SPPL2A: variants seen among roughly 807,000 people sequenced by gnomAD.
SPPL2A encodes signal peptide peptidase-like 2A.
In SPPL2A, 51 loss-of-function variants were observed where a neutral mutation model predicts 63.8. That is an observed-to-expected ratio of 0.80 (90% CI 0.64 to 1.01). The LOEUF (loss-of-function observed/expected upper bound fraction) is 1.01. Among genes scored for constraint, SPPL2A ranks in the 50% least tolerant of loss-of-function variants. The pLI is 0.00. For missense variants in SPPL2A, 553 were observed against 622.7 expected, an observed-to-expected ratio of 0.89 and a Z score of 1.19; for synonymous variants, 188 against 205.8, an observed-to-expected ratio of 0.91 and a Z score of 0.74.
At chr15:50,708,195 TTATTCCAGGACAC>T (rs2062527066) in intron 14 of SPPL2A, among the ~76,000 whole-genome samples, 1 of 152,210 alleles carries the variant, frequency 6.6e-6, no homozygotes, top group Non-Finnish European at 1.5e-5. Flanking sequence ...TTCCTGACAC[TTATTCCAGGACAC>T]TATTCCAGGC....
At chr15:50,715,720 G>A (rs904685512) in intron 14 of SPPL2A, among the ~76,000 whole-genome samples, 3 of 151,986 alleles carry the variant, frequency 2.0e-5, no homozygotes, top group African/African-American at 7.2e-5. Context: ...ATACAAAAAA[G>A]AAAAATTACT....
intron 11 of SPPL2A, 74 bp from the exon 12 acceptor site, chr15:50,725,397 C>A: frequency 1.3e-6 from 1 of 789,520 alleles, no homozygotes; most frequent in Non-Finnish European, 2.2e-6. Context: ...AACTTCTTGG[C>A]AATCTTTACT....
chr15:50,740,537 A>C (rs1257230609), intron 5 of SPPL2A, among the ~76,000 whole-genome samples: 2 of 152,196 alleles, frequency 1.3e-5, no homozygotes, highest in Admixed American at 1.3e-4. Context: ...TGACATAATA[A>C]ATTTCAAACT....
intron 13 of SPPL2A, among the ~76,000 whole-genome samples, chr15:50,721,371 T>G (rs1018305503): frequency 1.3e-5 from 2 of 152,038 alleles, no homozygotes; most frequent in Non-Finnish European, 2.9e-5. Flanking sequence ...TTTGAATTTC[T>G]TTATACTTTT....
At chr15:50,745,915 G>T (rs2141049293) in intron 5 of SPPL2A, among the ~76,000 whole-genome samples, 1 of 151,976 alleles carries the variant, frequency 6.6e-6, no homozygotes, top group African/African-American at 2.4e-5. Flanking sequence ...GCCAGGCATG[G>T]TGGCAGGCAC....
At chr15:50,714,269 C>G (rs1473141588) in intron 14 of SPPL2A, among the ~76,000 whole-genome samples, 1 of 152,194 alleles carries the variant, frequency 6.6e-6, no homozygotes, top group Non-Finnish European at 1.5e-5. Context: ...CCTCCTGGGG[C>G]TATTATTACT....
intron 12 of SPPL2A, among the ~76,000 whole-genome samples, chr15:50,724,856 C>G (rs909227894): frequency 6.6e-6 from 1 of 152,122 alleles, no homozygotes; most frequent in African/African-American, 2.4e-5. Context: ...TTCTTAAACC[C>G]CTTTTTCTAA....
At chr15:50,749,615 T>C in intron 2 of SPPL2A, 21 bp downstream of exon 2, 1 of 1,386,696 alleles carries the variant, frequency 7.2e-7, no homozygotes, top group Non-Finnish European at 1.0e-6. Flanking sequence ...TGTTTATGAA[T>C]AGTAACTGTG....
At chr15:50,723,487 T>G (rs774630404) in intron 12 of SPPL2A, among the ~76,000 whole-genome samples, 1 of 128,938 alleles carries the variant, frequency 7.8e-6, no homozygotes, top group African/African-American at 3.2e-5. Flanking sequence ...GTTTTTTTTG[T>G]TTTTTTTTGA....
intron 13 of SPPL2A, 79 bp downstream of exon 13, chr15:50,722,045 C>T (rs1423866499): frequency 2.5e-6 from 2 of 816,062 alleles, no homozygotes; most frequent in Non-Finnish European, 4.1e-6. Flanking sequence ...AACTGTACTC[C>T]TTCTTTATTT....
chr15:50,723,107 T>C (rs1414706405), intron 12 of SPPL2A, among the ~76,000 whole-genome samples: 2 of 152,060 alleles, frequency 1.3e-5, no homozygotes, highest in African/African-American at 4.8e-5. Flanking sequence ...AAAACCACAA[T>C]GAGATATCGC....
At chr15:50,754,547 T>C (rs574464375) in intron 1 of SPPL2A, among the ~76,000 whole-genome samples, 2 of 152,306 alleles carry the variant, frequency 1.3e-5, no homozygotes, top group South Asian at 2.1e-4. Context: ...GGTATGCAAA[T>C]TATACGTCAA....
chr15:50,736,019 C>T (rs1398251141), intron 8 of SPPL2A, 82 bp downstream of exon 8: 3 of 881,338 alleles, frequency 3.4e-6, no homozygotes, highest in Non-Finnish European at 5.4e-6. Flanking sequence ...AAAAAAATTC[C>T]ATAATAATCA....
At chr15:50,745,916 T>C (rs2062853802) in intron 5 of SPPL2A, among the ~76,000 whole-genome samples, 1 of 151,732 alleles carries the variant, frequency 6.6e-6, no homozygotes, top group Non-Finnish European at 1.5e-5. Flanking sequence ...CCAGGCATGG[T>C]GGCAGGCACC....
intron 10 of SPPL2A, among the ~76,000 whole-genome samples, chr15:50,728,256 T>C (rs2062701417): frequency 6.6e-6 from 1 of 152,250 alleles, no homozygotes; most frequent in African/African-American, 2.4e-5. Flanking sequence ...ACTTTTGCTA[T>C]GAGATCTCTC....
rs1247130482 is a variant in SPPL2A at position 50,703,739 on chromosome 15, A to T, written c.*4061T>A. 2.0e-5 allele frequency: 3 copies of T among 152,112 alleles called. No homozygotes were observed. In the East Asian group the frequency reaches 5.8e-4, roughly 29 times the overall value. 9.4% of individuals were successfully genotyped at this position (152,112 alleles called of 1,614,324 possible). ...AAATGCTTGAGGGAATGGATACCCCATTCTCCATGATCCGCTTATTTCACA... is the reference window on the plus strand; with the variant it reads ...AAATGCTTGAGGGAATGGATACCCCTTTCTCCATGATCCGCTTATTTCACA... On this transcript the variant is annotated 3_prime_UTR_variant, in exon 15 of 15. Transcript: ENST00000261854.
At chr15:50,757,856 C>T (rs558282878) in intron 1 of SPPL2A, among the ~76,000 whole-genome samples, 1 of 151,854 alleles carries the variant, frequency 6.6e-6, no homozygotes, top group South Asian at 2.1e-4. Flanking sequence ...TGGTGGCAGG[C>T]GCCTATAATC....
At chr15:50,763,814 C>T (rs2063033676) in intron 1 of SPPL2A, among the ~76,000 whole-genome samples, 1 of 152,132 alleles carries the variant, frequency 6.6e-6, no homozygotes, top group African/African-American at 2.4e-5. Context: ...AGGAGAATTG[C>T]TTGAACCTGG....
rs2062632208 is a variant in SPPL2A at position 50,720,069 on chromosome 15, A to C, written c.1359T>G (p.Val453=). 1.9e-6 allele frequency: 3 copies of C among 1,613,412 alleles called. No homozygotes were observed. Among genetic ancestry groups the C allele is most frequent in the Non-Finnish European group, 2.5e-6 (3 of 1,179,842 alleles). ...AYAIGMILTF[V]VLVLMKKGQP... ...GCCCCTTTTTCATCAGCACCAGAAC[A>C]ACAAATGTAAGTATCATGCCAATAG... Residue 453 remains valine (V), a synonymous_variant, in exon 14 of 15, where the codon GTT becomes GTG. Coordinates refer to ENST00000261854, the MANE Select transcript of SPPL2A (RefSeq NM_032802.4).
Sources: gnomAD v4.1 joint callset for allele counts (sites outside exome capture counted in the v4.1 genomes callset) on GRCh38, gnomAD v4.1.1 for gene constraint, MANE v1.5 for transcripts, NCBI Gene and HGNC (gene_info 2026-07-23, HGNC 2026-07-21) for gene names.